The following DNAH5 variants were observed in gnomAD, a reference collection of about 807,000 sequenced individuals.
DNAH5 encodes the protein axonemal beta dynein heavy chain 5.
In DNAH5, 372 loss-of-function variants were observed where a neutral mutation model predicts 518.2. The observed-to-expected ratio is 0.72, with a 90% CI of 0.66 to 0.78. The LOEUF is 0.78. DNAH5 is among the 30% of genes least tolerant of loss of function. The pLI is 0.00. For synonymous variants in DNAH5, 2,039 were observed against 2,025.9 expected (o/e 1.01, Z -0.17); for missense variants, 5,523 against 5,687.0 (o/e 0.97, Z 0.93).
Position 13,876,717 on chromosome 5 carries a change from A to C in DNAH5, c.3363T>G (p.Ser1121=), listed in dbSNP as rs58266192. 3.2e-4 allele frequency: 513 copies of C among 1,613,976 alleles called. 2 individuals carry two copies. In the African/African-American group the frequency reaches 6.0e-3, roughly 19 times the overall value. The change falls in exon 22 of 79, where the codon TCT becomes TCG. Residue 1121 remains serine (S), a synonymous_variant. Transcript: ENST00000265104. The stretch of plus-strand genomic sequence containing the variant: ...TGGAGTTGATAATTGTGCTAAGCAC[A>C]GAAACTAATTTTACAATCTCTTTGT... ...SENKEIVKLV[S]VLSTIINSTK... is the part of the protein sequence containing the mutation.
rs75899161 is a variant in DNAH5 at position 13,733,630 on chromosome 5, G to C, written c.11761+1501C>G. Among the ~76,000 whole-genome samples the C allele has an allele frequency of 2.8e-4, 43 of 152,314 alleles. 2 individuals are homozygous for C. In the East Asian group the frequency reaches 6.0e-3, roughly 21 times the overall value. On this transcript the variant is annotated intron_variant, in intron 68 of 78. Coordinates refer to ENST00000265104, the MANE Select transcript of DNAH5 (RefSeq NM_001369.3). Reference sequence around the variant, plus strand: ...ATGGTTAGACACAATTAAAGAGAGAGAGATTGTCTATAATTTAATCATTTC... The same window carrying C: ...ATGGTTAGACACAATTAAAGAGAGACAGATTGTCTATAATTTAATCATTTC...
intron 1 of DNAH5, among the ~76,000 whole-genome samples, chr5:13,995,368 T>C (rs1429684327): frequency 6.6e-6 from 1 of 152,192 alleles, no homozygotes; most frequent in Non-Finnish European, 1.5e-5. Context: ...TCCATCCTTG[T>C]ATCCTCTTTC....
chr5:13,922,367 T>C, intron 4 of DNAH5, 39 bp from the exon 5 acceptor site: 1 of 1,552,244 alleles, frequency 6.4e-7, no homozygotes, highest in Non-Finnish European at 8.8e-7. Context: ...GTAAAAATCA[T>C]CCTCAAATGC....
chr5:13,803,229 A>G (rs1759057130), intron 47 of DNAH5, among the ~76,000 whole-genome samples: 1 of 152,338 alleles, frequency 6.6e-6, no homozygotes, highest in Admixed American at 6.5e-5. Context: ...ATAAAAATGG[A>G]GAGTTATGCT....
chr5:13,890,932 A>G (rs745671569), intron 17 of DNAH5, 44 bp downstream of exon 17: 3 of 1,611,832 alleles, frequency 1.9e-6, no homozygotes, highest in South Asian at 2.2e-5. Flanking sequence ...TAGGAAAATG[A>G]ATCACCAAAA....
At chr5:13,884,729 T>G (rs1029779524) in intron 19 of DNAH5, among the ~76,000 whole-genome samples, 1 of 152,182 alleles carries the variant, frequency 6.6e-6, no homozygotes, top group South Asian at 2.1e-4. Context: ...CCCAGCTACT[T>G]GGGAGGCTAA....
chr5:13,801,865 A>C (rs747474730), intron 47 of DNAH5, among the ~76,000 whole-genome samples: 7 of 152,136 alleles, frequency 4.6e-5, no homozygotes, highest in Non-Finnish European at 1.0e-4. Context: ...AAAAACACAT[A>C]GACTGTGAAG....
intron 65 of DNAH5, among the ~76,000 whole-genome samples, chr5:13,738,437 A>G (rs145215505): frequency 4.6e-5 from 7 of 152,336 alleles, no homozygotes; most frequent in Middle Eastern, 3.4e-3. Flanking sequence ...ATCTTAGGCA[A>G]GCAACTGAGC....
Position 13,769,537 on chromosome 5 carries a change from T to C in DNAH5, c.9684A>G (p.Glu3228=). The C allele has an allele frequency of 2.5e-6, 4 of 1,614,120 alleles. No homozygotes were observed. In the South Asian group the frequency reaches 4.4e-5, roughly 18 times the overall value. The part of the protein sequence containing the change: ...AALSKELEAK[E]KELQVANDKA... The stretch of plus-strand genomic sequence containing the variant: ...TATCGTTGGCCACTTGTAGCTCCTT[T>C]TCTTTCGCTTCCAGTTCTTTACTCA... The change falls in exon 57 of 79, where the codon GAA becomes GAG. Residue 3228 remains glutamate (E), a synonymous_variant. Coordinates refer to ENST00000265104, the MANE Select transcript of DNAH5 (RefSeq NM_001369.3).
rs183305495 is a variant in DNAH5 at position 13,852,700 on chromosome 5, T to C, written c.4951-1885A>G. On this transcript the variant is annotated intron_variant, in intron 30 of 78. Transcript: ENST00000265104. ...TTGGTGGGGGGAGGGGGGTCCACCA[T>C]TACTGAGGCTTGAGTAGGCGGTTTT... 1.7e-4 allele frequency among the ~76,000 whole-genome samples: 26 copies of C among 151,996 alleles called. No homozygotes were observed. The East Asian group carries it at 4.3e-3, about 25-fold the overall frequency.
intron 1 of DNAH5, among the ~76,000 whole-genome samples, chr5:13,939,498 G>A (rs1466175421): frequency 6.6e-6 from 1 of 152,016 alleles, no homozygotes; most frequent in Non-Finnish European, 1.5e-5. Context: ...TACCCTTAGA[G>A]CCCTCTACAA....
rs1467944534 is a variant in DNAH5 at position 13,919,356 on chromosome 5, C to A, written c.799-4G>T. 6.2e-7 allele frequency: 1 copy of A among 1,613,360 alleles called. No homozygotes were observed. The highest frequency in any genetic ancestry group is 8.5e-7 in the Non-Finnish European group (1 of 1,179,718). On this transcript the variant is annotated splice_region_variant and splice_polypyrimidine_tract_variant and intron_variant, in intron 6 of 78. Transcript: ENST00000265104. ...GCTGATTGTTTTCAGCAAGAACCTG[C>A]AAATGCGCGGGGAAAAACACGAGCC...
At chr5:13,876,213 A>G (rs534638054) in intron 22 of DNAH5, among the ~76,000 whole-genome samples, 1 of 152,290 alleles carries the variant, frequency 6.6e-6, no homozygotes, top group Admixed American at 6.5e-5. Context: ...TAGTACTAAT[A>G]TCTTCTTTAT....
At chr5:13,929,330 T>C (rs993304715) in intron 2 of DNAH5, among the ~76,000 whole-genome samples, 3 of 152,214 alleles carry the variant, frequency 2.0e-5, no homozygotes, top group African/African-American at 2.4e-5. Flanking sequence ...TGCCAGGGGC[T>C]GGAGGGAAGG....
At chr5:13,929,187 T>C (rs892115362) in intron 2 of DNAH5, among the ~76,000 whole-genome samples, 5 of 152,174 alleles carry the variant, frequency 3.3e-5, no homozygotes, top group African/African-American at 1.2e-4. Context: ...TGCTACAACA[T>C]GGATGAACCT....
chr5:13,792,217 C>T lies in DNAH5; in HGVS notation c.8225G>A (p.Gly2742Asp), dbSNP rs763563474. 1.2e-6 allele frequency: 2 copies of T among 1,611,860 alleles called. No homozygotes were observed. Among genetic ancestry groups the T allele is most frequent in the East Asian group, 2.2e-5 (1 of 44,866 alleles). ...ACAGTAGTGGCCTACCCCAATCACA[C>T]CTGAAAAGGGGGAAATTACAGCATT... ...PSEASVDKIF[G>D]VIGVGHYCTQ... Residue 2742 changes from glycine to aspartate, a missense_variant and splice_region_variant, in exon 50 of 79, where the codon GGT becomes GAT. Physicochemically the swap from Gly to Asp is moderately conservative, Grantham distance 94. Around this residue, in one of 3 missense-constraint regions of DNAH5, gnomAD observed 5,121 missense variants for 5,223.3 expected, o/e 0.98. Coordinates refer to ENST00000265104, the MANE Select transcript of DNAH5 (RefSeq NM_001369.3).
chr5:13,749,701 G>C (rs1335001123), intron 65 of DNAH5, among the ~76,000 whole-genome samples: 1 of 152,208 alleles, frequency 6.6e-6, no homozygotes, highest in Admixed American at 6.5e-5. Flanking sequence ...GGTGGAAGGA[G>C]AGTCTCAAAT....
intron 2 of DNAH5, among the ~76,000 whole-genome samples, chr5:13,930,695 G>A (rs1370386172): frequency 6.6e-6 from 1 of 152,180 alleles, no homozygotes; most frequent in Admixed American, 6.5e-5. Flanking sequence ...ACAAAAGAAA[G>A]CAGGTTCAGC....
rs1762677075 is a variant in DNAH5, at chr5:13,824,758, T to C, written c.6445-425A>G. Among the ~76,000 whole-genome samples the C allele has an allele frequency of 2.0e-5, 3 of 152,236 alleles. No homozygotes were observed. The South Asian group carries it at 6.2e-4, about 32-fold the overall frequency. On this transcript the variant is annotated intron_variant, in intron 38 of 78. Coordinates refer to ENST00000265104, the MANE Select transcript of DNAH5 (RefSeq NM_001369.3). ...ATACATAGAGATATATGTGCCTTTT[T>C]CGTGATAAGTAAGAAGACAGGAGAA... is the stretch of plus-strand genomic sequence containing the variant.
Sources: gnomAD v4.1 joint callset for allele counts (sites outside exome capture counted in the v4.1 genomes callset) on GRCh38, gnomAD v4.1.1 for gene constraint, gnomAD v4.1.1 regional missense constraint, MANE v1.5 for transcripts, NCBI Gene and HGNC (gene_info 2026-07-23, HGNC 2026-07-21) for gene names.